ENTREP2: variants seen among roughly 807,000 people sequenced by gnomAD.
The protein encoded by ENTREP2 is protein ENTREP2.
the ENTREP2 span, among the ~76,000 whole-genome samples, chr15:29,559,293 G>A: frequency 6.6e-6 from 1 of 152,022 alleles, no homozygotes; most frequent in Non-Finnish European, 1.5e-5. Flanking sequence ...TGGAAGCCAC[G>A]CCTGTTCCCC....
the ENTREP2 span, among the ~76,000 whole-genome samples, chr15:29,216,813 C>A: frequency 1.3e-5 from 2 of 151,848 alleles, no homozygotes; most frequent in African/African-American, 4.8e-5. Flanking sequence ...AAATTAAAAT[C>A]ATCCATAATA....
the ENTREP2 span, among the ~76,000 whole-genome samples, chr15:29,134,484 C>T: frequency 2.0e-5 from 3 of 152,142 alleles, no homozygotes; most frequent in Non-Finnish European, 2.9e-5. Context: ...GGCTCACGGG[C>T]CAGCCGGAAG....
At chr15:29,374,853 A>C in the ENTREP2 span, 1 of 152,106 alleles carries the variant, frequency 6.6e-6, no homozygotes, top group Non-Finnish European at 1.5e-5. Context: ...TCTTGTCTCA[A>C]ATCTGCCATT....
At chr15:29,662,230 A>G in the ENTREP2 span, among the ~76,000 whole-genome samples, 157 of 150,124 alleles carry the variant, frequency 1.0e-3, no homozygotes, top group South Asian at 4.0e-3. Context: ...AAAAAAAAAA[A>G]AAAGAAAGAA....
At chr15:29,126,128 C>T in the ENTREP2 span, 614,872 of 680,992 alleles carry the variant, frequency 0.9, 277,858 homozygotes, top group Middle Eastern at 0.94. Context: ...GGCTCAGGGG[C>T]CATCAAGACC....
the ENTREP2 span, among the ~76,000 whole-genome samples, chr15:29,390,881 G>A: frequency 6.6e-6 from 1 of 152,120 alleles, no homozygotes; most frequent in Admixed American, 6.6e-5. Flanking sequence ...ATGGCAGATG[G>A]GTGCCCAATA....
At chr15:29,499,282 C>T in the ENTREP2 span, among the ~76,000 whole-genome samples, 3 of 148,254 alleles carry the variant, frequency 2.0e-5, no homozygotes, top group East Asian at 5.9e-4. Flanking sequence ...GCTTTGATTC[C>T]TTTCTCTTCA....
the ENTREP2 span, among the ~76,000 whole-genome samples, chr15:29,196,132 G>A: frequency 1.4e-4 from 21 of 152,206 alleles, no homozygotes; most frequent in South Asian, 4.2e-4. Context: ...CAGAAAAGCC[G>A]TAGAATGATC....
At chr15:29,151,158 T>C in the ENTREP2 span, among the ~76,000 whole-genome samples, 1 of 152,196 alleles carries the variant, frequency 6.6e-6, no homozygotes, top group East Asian at 1.9e-4. Context: ...AACCCACATA[T>C]TATAACATGT....
At chr15:29,667,919 C>T in the ENTREP2 span, among the ~76,000 whole-genome samples, 1 of 152,132 alleles carries the variant, frequency 6.6e-6, no homozygotes, top group Non-Finnish European at 1.5e-5. Context: ...TCATTTTCCA[C>T]TATCTGAAAC....
chr15:29,364,971 T>C, the ENTREP2 span, among the ~76,000 whole-genome samples: 6 of 152,186 alleles, frequency 3.9e-5, 1 homozygote, highest in Admixed American at 3.3e-4. Flanking sequence ...CTTGGTGTTG[T>C]ACATTCTATG....
At chr15:29,390,099 C>T in the ENTREP2 span, among the ~76,000 whole-genome samples, 8 of 152,158 alleles carry the variant, frequency 5.3e-5, no homozygotes, top group African/African-American at 1.9e-4. Flanking sequence ...CAGCTCTGGC[C>T]CACTGGAGAC....
At chr15:29,403,796 T>G in the ENTREP2 span, among the ~76,000 whole-genome samples, 1 of 152,290 alleles carries the variant, frequency 6.6e-6, no homozygotes, top group African/African-American at 2.4e-5. Context: ...GCAGGCTCCC[T>G]TCTCGGAATT....
chr15:29,481,799 A>G, the ENTREP2 span, among the ~76,000 whole-genome samples: 6 of 152,102 alleles, frequency 3.9e-5, no homozygotes, highest in African/African-American at 1.4e-4. Context: ...TTCACGAATA[A>G]GCGGATCCTG....
the ENTREP2 span, among the ~76,000 whole-genome samples, chr15:29,139,282 C>T: frequency 3.9e-5 from 6 of 152,200 alleles, no homozygotes; most frequent in Admixed American, 1.3e-4. Flanking sequence ...GCACACTCCT[C>T]GCCTCTCTGG....
chr15:29,214,920 G>C, the ENTREP2 span, among the ~76,000 whole-genome samples: 1 of 152,118 alleles, frequency 6.6e-6, no homozygotes, highest in Non-Finnish European at 1.5e-5. Context: ...TGTGGTTCTT[G>C]GATGAAATGT....
chr15:29,574,506 A>G, the ENTREP2 span, among the ~76,000 whole-genome samples: 4 of 152,086 alleles, frequency 2.6e-5, no homozygotes, highest in Non-Finnish European at 5.9e-5. Context: ...GTTGGCCAGG[A>G]TGGTCTAGAT....
chr15:29,144,078 G>C, the ENTREP2 span, among the ~76,000 whole-genome samples: 1 of 152,184 alleles, frequency 6.6e-6, no homozygotes, highest in African/African-American at 2.4e-5. Context: ...GCACTCCAAA[G>C]AAATGACAGG....
the ENTREP2 span, among the ~76,000 whole-genome samples, chr15:29,190,359 T>TAA: frequency 6.4e-5 from 9 of 140,298 alleles, no homozygotes; most frequent in African/African-American, 7.9e-5. Flanking sequence ...GGTTCTCTGC[T>TAA]AAAAAAAAAA....
Sources: gnomAD v4.1 joint callset for allele counts (sites outside exome capture counted in the v4.1 genomes callset) on GRCh38, gnomAD v4.1.1 for gene constraint, MANE v1.5 for transcripts, NCBI Gene and HGNC (gene_info 2026-07-23, HGNC 2026-07-21) for gene names.